SLC25A26: variants seen among roughly 807,000 people sequenced by gnomAD.
SLC25A26 encodes mitochondrial S-adenosylmethionine carrier protein.
In SLC25A26, 36 loss-of-function variants were observed where a neutral mutation model predicts 37.8. The ratio of observed to expected loss-of-function variants is 0.95; its 90% confidence interval spans 0.73 to 1.26. The LOEUF is 1.26. Among genes scored for constraint, SLC25A26 ranks in the 50% most tolerant of loss-of-function variants. The pLI is 0.00. For missense variants in SLC25A26, 390 were observed against 331.1 expected (o/e 1.18, Z -1.38); for synonymous variants, 129 against 122.5 (o/e 1.05, Z -0.35).
chr3:66,345,844 C>T (rs989279550), intron 5 of SLC25A26, among the ~76,000 whole-genome samples: 1 of 152,230 alleles, frequency 6.6e-6, no homozygotes, highest in African/African-American at 2.4e-5. Context: ...TATTGTGCTT[C>T]TGTTTCCATT....
chr3:66,145,797 C>T (rs1192279804), intron 1 of SLC25A26, among the ~76,000 whole-genome samples: 1 of 152,192 alleles, frequency 6.6e-6, no homozygotes, highest in African/African-American at 2.4e-5. Flanking sequence ...CAAAAATATT[C>T]CTCACATTTA....
intron 5 of SLC25A26, among the ~76,000 whole-genome samples, chr3:66,343,797 T>C (rs1248190115): frequency 6.6e-6 from 1 of 152,240 alleles, no homozygotes; most frequent in Non-Finnish European, 1.5e-5. Context: ...TATTACATAT[T>C]ATAAAGTTTA....
rs187410521 is a variant in SLC25A26 at position 66,301,570 on chromosome 3, C to G, written c.453+38191C>G. ...CTTTAACAAGAGGGACTGAATCCTA[C>G]TAGGCCAACATAATTTATAGAGAGC... On this transcript the variant is annotated intron_variant, in intron 5 of 9. Coordinates refer to ENST00000354883, the MANE Select transcript of SLC25A26 (RefSeq NM_001379210.1). Among the ~76,000 whole-genome samples, 208 of 152,316 alleles carry G rather than the reference C, an allele frequency of 1.4e-3. 2 individuals are homozygous for G. Among genetic ancestry groups the G allele is most frequent in the African/African-American group, 4.7e-3 (194 of 41,564 alleles).
intron 7 of SLC25A26, among the ~76,000 whole-genome samples, chr3:66,365,935 G>A (rs548806481): frequency 6.6e-6 from 1 of 152,274 alleles, no homozygotes; most frequent in Admixed American, 6.5e-5. Flanking sequence ...CCCCACTGCT[G>A]CCCCCACATT....
chr3:66,151,467 T>C (rs184522967), intron 1 of SLC25A26, among the ~76,000 whole-genome samples: 2 of 152,306 alleles, frequency 1.3e-5, no homozygotes, highest in Admixed American at 6.5e-5. Flanking sequence ...TGCTTTCTAT[T>C]AGTTTGCGGT....
At chr3:66,200,792 C>A (rs1255963096) in intron 1 of SLC25A26, among the ~76,000 whole-genome samples, 2 of 152,172 alleles carry the variant, frequency 1.3e-5, no homozygotes, top group African/African-American at 4.8e-5. Context: ...AAATTACTTA[C>A]AGAGGTGGTA....
At chr3:66,198,570 C>T (rs1463531349) in intron 1 of SLC25A26, among the ~76,000 whole-genome samples, 2 of 151,692 alleles carry the variant, frequency 1.3e-5, no homozygotes, top group Non-Finnish European at 2.9e-5. Flanking sequence ...TGAGGCTGAT[C>T]CCACCCACAC....
upstream of SLC25A26, among the ~76,000 whole-genome samples, chr3:66,220,169 C>T (rs2106858938): frequency 6.6e-6 from 1 of 152,306 alleles, no homozygotes; most frequent in South Asian, 2.1e-4. Context: ...TCTGTAGCCA[C>T]ATTGAGTCGG....
chr3:66,355,641 A>C (rs2076557385), intron 6 of SLC25A26, among the ~76,000 whole-genome samples: 2 of 152,222 alleles, frequency 1.3e-5, no homozygotes, highest in African/African-American at 4.8e-5. Flanking sequence ...TTTTGTAGAC[A>C]TAGTAGTATG....
At chr3:66,282,306 C>G (rs184605425) in intron 5 of SLC25A26, among the ~76,000 whole-genome samples, 3 of 152,104 alleles carry the variant, frequency 2.0e-5, no homozygotes, top group African/African-American at 7.2e-5. Context: ...CCACCGCGCC[C>G]GGCCTGATTT....
chr3:66,312,623 G>A (rs1447322506), intron 5 of SLC25A26, among the ~76,000 whole-genome samples: 1 of 152,148 alleles, frequency 6.6e-6, no homozygotes, highest in Non-Finnish European at 1.5e-5. Flanking sequence ...CCAAGACCCT[G>A]GTGGCGTAGG....
intron 5 of SLC25A26, among the ~76,000 whole-genome samples, chr3:66,325,384 G>A (rs370767647): frequency 3.3e-5 from 5 of 152,202 alleles, no homozygotes; most frequent in African/African-American, 1.2e-4. Flanking sequence ...ATATGTACCA[G>A]GTACTATGCA....
intron 5 of SLC25A26, among the ~76,000 whole-genome samples, chr3:66,298,325 TC>T (rs1271007934): frequency 1.3e-5 from 2 of 152,252 alleles, no homozygotes; most frequent in Non-Finnish European, 2.9e-5. Context: ...TAATATTTTC[TC>T]TAGTAAAACT....
chr3:66,240,329 G>A (rs943331725), intron 2 of SLC25A26, among the ~76,000 whole-genome samples: 1 of 152,098 alleles, frequency 6.6e-6, no homozygotes, highest in Non-Finnish European at 1.5e-5. Context: ...TCACTCCGTT[G>A]CCCAGACTGG....
In SLC25A26 at chr3:66,140,307, C is replaced by T. The variant is rs2070015110; in HGVS notation, c.-354+6323C>T. Among the ~76,000 whole-genome samples the T allele has an allele frequency of 1.3e-5, 2 of 152,116 alleles. 1 individual carries two copies. Among genetic ancestry groups the T allele is most frequent in the Middle Eastern group, 6.3e-3 (2 of 316 alleles). Reference sequence around the variant, plus strand: ...AGGTGGAAGAATGGAATGTGTATTCCGTTGAGTCATGTGCTCATCCTGTGA... The same window carrying T: ...AGGTGGAAGAATGGAATGTGTATTCTGTTGAGTCATGTGCTCATCCTGTGA... On this transcript the variant is annotated intron_variant, in intron 1 of 10. Transcript: ENST00000676754.
chr3:66,177,311 G>T (rs1054706522), intron 1 of SLC25A26, among the ~76,000 whole-genome samples: 1 of 152,220 alleles, frequency 6.6e-6, no homozygotes, highest in African/African-American at 2.4e-5. Context: ...TAAGCAATCT[G>T]AGTGACAATG....
intron 5 of SLC25A26, among the ~76,000 whole-genome samples, chr3:66,309,550 T>A (rs1229710108): frequency 6.6e-6 from 1 of 152,176 alleles, no homozygotes; most frequent in African/African-American, 2.4e-5. Flanking sequence ...CTGCTAGCTT[T>A]CGAATTTGTT....
At chr3:66,346,880 G>T (rs374141926) in intron 6 of SLC25A26, among the ~76,000 whole-genome samples, 3 of 152,074 alleles carry the variant, frequency 2.0e-5, no homozygotes, top group South Asian at 4.1e-4. Flanking sequence ...CACTTGGATG[G>T]GGAGCAGCAG....
intron 5 of SLC25A26, among the ~76,000 whole-genome samples, chr3:66,333,050 CTGA>C (rs1411097611): frequency 1.3e-5 from 2 of 152,070 alleles, no homozygotes; most frequent in Admixed American, 6.5e-5. Context: ...GGTGAGAAGT[CTGA>C]TGCCTCTGAT....
Sources: gnomAD v4.1 joint callset for allele counts (sites outside exome capture counted in the v4.1 genomes callset) on GRCh38, gnomAD v4.1.1 for gene constraint, MANE v1.5 for transcripts, NCBI Gene and HGNC (gene_info 2026-07-23, HGNC 2026-07-21) for gene names.